The following ITGAL variants were observed in gnomAD, a reference collection of about 807,000 sequenced individuals.
ITGAL encodes the protein integrin subunit alpha L, also known as integrin alpha-L.
ITGAL carries 68 observed loss-of-function variants against 138.4 expected under a neutral mutation model. That is an observed-to-expected ratio of 0.49 (90% CI 0.40 to 0.60). The LOEUF is 0.60. Among genes scored for constraint, ITGAL ranks in the 20% least tolerant of loss-of-function variants. ITGAL has a pLI of 0.00. For missense variants in ITGAL, 1,256 were observed against 1,478.6 expected (o/e 0.85, Z 2.47); for synonymous variants, 561 against 584.3 (o/e 0.96, Z 0.57).
intron 4 of ITGAL, 114 bp from the exon 5 acceptor site, chr16:30,478,977 T>G: frequency 1.3e-6 from 1 of 775,046 alleles, no homozygotes; most frequent in Non-Finnish European, 2.3e-6. Context: ...ACCAGTTGGA[T>G]AGAGGAAGTG....
chr16:30,511,235 T>A, intron 24 of ITGAL, 99 bp downstream of exon 24: 1 of 911,860 alleles, frequency 1.1e-6, no homozygotes, highest in Non-Finnish European at 1.8e-6. Context: ...CTGAACCTCC[T>A]TCCTTTCTTA....
At chr16:30,521,399 T>G in intron 30 of ITGAL, 93 bp from the exon 31 acceptor site, 4 of 1,108,122 alleles carry the variant, frequency 3.6e-6, no homozygotes, top group Middle Eastern at 2.3e-4. Flanking sequence ...ACAGTGAGAC[T>G]CCATCTCAAA....
intron 15 of ITGAL, among the ~76,000 whole-genome samples, chr16:30,498,021 A>T (rs2050828220): frequency 6.6e-6 from 1 of 151,738 alleles, no homozygotes; most frequent in South Asian, 2.1e-4. Flanking sequence ...AGGTGGGTGG[A>T]TCATTTGAGG....
intron 21 of ITGAL, among the ~76,000 whole-genome samples, chr16:30,508,596 G>A (rs2051041510): frequency 1.3e-5 from 2 of 152,216 alleles, no homozygotes; most frequent in Non-Finnish European, 2.9e-5. Context: ...CTTGGGGGCT[G>A]AGGTGGAGAA....
chr16:30,517,864 T>C lies in ITGAL; in HGVS notation c.3101T>C (p.Ile1034Thr). 1.2e-6 allele frequency: 2 copies of C among 1,614,124 alleles called. No individual in the cohort carries two copies. The highest frequency in any genetic ancestry group is 1.7e-6 in the Non-Finnish European group (2 of 1,180,022). ...AGGCAGGAGATCCTCGTCCAAGTGA[T>C]CGGGACTCTGGAGCTGGTGGGAGAG... ...VFRQEILVQV[I>T]GTLELVGEIE... Residue 1034 changes from isoleucine (I) to threonine (T), a missense_variant, in exon 28 of 31, where the codon ATC (isoleucine) becomes ACC (threonine). By Grantham distance (89) the Ile-to-Thr change is moderately conservative. This residue lies in a region of ITGAL where 867 missense variants were observed against 972.5 expected (regional missense o/e 0.89). Coordinates refer to ENST00000356798, the MANE Select transcript of ITGAL (RefSeq NM_002209.3).
intron 9 of ITGAL, among the ~76,000 whole-genome samples, chr16:30,487,600 C>T (rs532858665): frequency 4.6e-5 from 7 of 151,552 alleles, no homozygotes; most frequent in African/African-American, 1.5e-4. Flanking sequence ...TTAGTAGAGA[C>T]GGGGTTTCAC....
At chr16:30,510,515 T>A in intron 22 of ITGAL, 44 bp downstream of exon 22, 1 of 1,161,938 alleles carries the variant, frequency 8.6e-7, no homozygotes, top group Non-Finnish European at 1.3e-6. Flanking sequence ...CTAGGGGCCC[T>A]GAGCTGGTGG....
intron 16 of ITGAL, 22 bp from the exon 17 acceptor site, chr16:30,499,316 T>C (rs1597088312): frequency 1.2e-6 from 2 of 1,613,712 alleles, no homozygotes; most frequent in East Asian, 4.5e-5. Flanking sequence ...CATTTAACTC[T>C]TGCCTTTTCC....
chr16:30,492,832 C>T (rs1402441122), intron 11 of ITGAL, among the ~76,000 whole-genome samples: 9 of 152,098 alleles, frequency 5.9e-5, no homozygotes, highest in African/African-American at 1.9e-4. Context: ...GCGTGAGCCA[C>T]CGCGCCCGGC....
intron 20 of ITGAL, 73 bp from the exon 21 acceptor site, chr16:30,506,642 A>C (rs1178064369): frequency 4.8e-6 from 5 of 1,036,036 alleles, no homozygotes; most frequent in South Asian, 1.5e-5. Context: ...TTTCTGGCCC[A>C]CCAGATCCCT....
At chr16:30,513,005 G>C (rs1802687901) in intron 24 of ITGAL, among the ~76,000 whole-genome samples, 2 of 152,206 alleles carry the variant, frequency 1.3e-5, no homozygotes, top group African/African-American at 4.8e-5. Context: ...CTGGCCTCCA[G>C]TGCTTTTGAA....
chr16:30,479,647 CCTTTTTTTT>C (rs2050524887), intron 6 of ITGAL, among the ~76,000 whole-genome samples, 186 bp downstream of exon 6: 2 of 102,548 alleles, frequency 2.0e-5, no homozygotes, highest in Admixed American at 1.2e-4. Context: ...GTTCTCATTT[CCTTTTTTTT>C]TTTTTTTTTT....
intron 6 of ITGAL, among the ~76,000 whole-genome samples, chr16:30,480,260 G>A (rs1423243159): frequency 2.6e-5 from 4 of 152,126 alleles, no homozygotes; most frequent in Admixed American, 1.3e-4. Flanking sequence ...TTCTTTTTGC[G>A]TCTTTGCTTC....
At chr16:30,483,602 C>T (rs1215920094) in intron 7 of ITGAL, among the ~76,000 whole-genome samples, 1 of 152,176 alleles carries the variant, frequency 6.6e-6, no homozygotes, top group African/African-American at 2.4e-5. Flanking sequence ...TCTGGGACAC[C>T]CTCTGGACTG....
At chr16:30,474,012 A>C in intron 1 of ITGAL, 184 bp from the exon 2 acceptor site, 1 of 693,504 alleles carries the variant, frequency 1.4e-6, no homozygotes, top group Non-Finnish European at 2.6e-6. Context: ...AAGAGCTTTC[A>C]GAGCTCTAGG....
chr16:30,494,975 C>A lies in ITGAL; in HGVS notation c.1503+125C>A. 9.9e-7 allele frequency: 1 copy of A among 1,011,826 alleles called. No homozygotes were observed. Among genetic ancestry groups the A allele is most frequent in the Non-Finnish European group, 1.4e-6 (1 of 703,024 alleles). The allele number at this position is 1,011,826 out of a possible 1,614,324, so 62.7% of individuals were successfully genotyped here. A position where few individuals can be genotyped will look rare whatever the true frequency, so the allele number is the denominator to read the frequency against. On this transcript the variant is annotated intron_variant, in intron 13 of 30. Coordinates refer to ENST00000356798, the MANE Select transcript of ITGAL (RefSeq NM_002209.3). The surrounding 1 kb of genome is among the most constrained non-coding windows in gnomAD (Gnocchi z 4.2). ...TCAAACTTTTAGAACGACAGAGAGG[C>A]AATAGCAAATCCTCACTGGGGAAAG... is the stretch of plus-strand genomic sequence containing the variant.
At chr16:30,490,708 C>T (rs2050713019) in intron 11 of ITGAL, among the ~76,000 whole-genome samples, 1 of 152,144 alleles carries the variant, frequency 6.6e-6, no homozygotes, top group South Asian at 2.1e-4. Flanking sequence ...GGACTGGCCA[C>T]TCCTTTTTAA....
At chr16:30,517,400 G>A (rs575939701) in intron 26 of ITGAL, among the ~76,000 whole-genome samples, 4 of 152,176 alleles carry the variant, frequency 2.6e-5, no homozygotes, top group African/African-American at 9.6e-5. Flanking sequence ...TGAGGCTGCA[G>A]TGAGCTATGA....
chr16:30,521,617 G>A lies in ITGAL; in HGVS notation c.3465G>A (p.Leu1155=). 2 of 1,614,182 alleles carry A rather than the reference G, an allele frequency of 1.2e-6. No homozygotes were observed. The highest frequency in any genetic ancestry group is 1.7e-6 in the Non-Finnish European group (2 of 1,180,036). Residue 1155 remains leucine, a synonymous_variant, in exon 31 of 31, where the codon CTG becomes CTA. Coordinates refer to ENST00000356798, the MANE Select transcript of ITGAL (RefSeq NM_002209.3). ...AAGAGGCTGGGGATCCCGGCTGCCTGAAGCCCCTCCATGAGAAGGACTCTG... is the reference window on the plus strand; with the variant it reads ...AAGAGGCTGGGGATCCCGGCTGCCTAAAGCCCCTCCATGAGAAGGACTCTG... ...SGQEAGDPGC[L]KPLHEKDSES...
Sources: gnomAD v4.1 joint callset for allele counts (sites outside exome capture counted in the v4.1 genomes callset) on GRCh38, gnomAD v4.1.1 for gene constraint, gnomAD v4.1.1 regional missense constraint, Gnocchi (gnomAD v3.1) non-coding constraint, MANE v1.5 for transcripts, NCBI Gene and HGNC (gene_info 2026-07-23, HGNC 2026-07-21) for gene names.